Variants in IQANK1 observed in about 807,000 individuals in gnomAD.
The protein encoded by IQANK1 is IQ motif and ankyrin repeat containing 1, also known as IQ motif and ankyrin repeat domain-containing protein 1.
IQANK1 carries 30 observed loss-of-function variants against 22.6 expected under a neutral mutation model. The ratio of observed to expected loss-of-function variants is 1.33; its 90% CI spans 0.99 to 1.80. The LOEUF (loss-of-function observed/expected upper bound fraction) is 1.80, where lower values mean the gene tolerates loss of function less well. Ranked by LOEUF, IQANK1 falls within the 40% of genes most tolerant of loss-of-function variation. The pLI is 0.00. For synonymous variants in IQANK1, 122 were observed against 99.6 expected (o/e 1.23, Z -1.34); for missense variants, 275 against 235.2 (o/e 1.17, Z -1.11).
Position 143,764,627 on chromosome 8 carries a change from G to A in IQANK1, c.176-6861G>A, listed in dbSNP as rs1167540924. On this transcript the variant is annotated intron_variant, in intron 3 of 13. Coordinates refer to ENST00000527139, the MANE Select transcript of IQANK1 (RefSeq NM_001381874.1). ...TAAAAAAACCAAACAAAACAAAACT[G>A]AAAAAAGAAATAACAAACGTGCAAA... is the stretch of plus-strand genomic sequence containing the variant. Among the ~76,000 whole-genome samples the A allele has an allele frequency of 2.6e-5, 4 of 151,762 alleles. No individual in the cohort carries two copies. The East Asian group carries it at 7.7e-4, about 29-fold the overall frequency.
At chr8:143,787,884 C>T (rs1240703356) in intron 7 of IQANK1, among the ~76,000 whole-genome samples, 1 of 152,070 alleles carries the variant, frequency 6.6e-6, no homozygotes, top group Non-Finnish European at 1.5e-5. Flanking sequence ...TGTCCACCTC[C>T]ACCTGGCCCC....
intron 3 of IQANK1, among the ~76,000 whole-genome samples, chr8:143,749,365 A>G (rs547715911): frequency 1.5e-5 from 2 of 131,112 alleles, no homozygotes; most frequent in Admixed American, 8.1e-5. Flanking sequence ...ATAAAAATAT[A>G]TAAATATATA....
At position 143,773,325 on chromosome 8, in the gene IQANK1, A is replaced by C. The variant is rs1341120569; in HGVS notation, c.789+843A>C. On this transcript the variant is annotated intron_variant, in intron 7 of 13. Transcript: ENST00000527139. ...CAAAAAAAAAAAAAAAACAAAAAAA[A>C]CACAAAAAAAACAGAGTCTGCCCTG... Among the ~76,000 whole-genome samples, 55 of 137,718 alleles carry C rather than the reference A, an allele frequency of 4.0e-4. 1 individual carries two copies. The highest frequency in any genetic ancestry group is 3.6e-3 in the Middle Eastern group (1 of 278). 90.3% of individuals were successfully genotyped at this position (137,718 alleles called of 152,430 possible). A position where few individuals can be genotyped will look rare whatever the true frequency, so the allele number is the denominator to read the frequency against.
rs1205336346 is a variant in IQANK1, at chr8:143,774,956, A to C, written c.789+2474A>C. Among the ~76,000 whole-genome samples the C allele has an allele frequency of 1.3e-5, 2 of 151,716 alleles. No homozygotes were observed. The highest frequency in any genetic ancestry group is 4.9e-5 in the African/African-American group (2 of 41,026). On this transcript the variant is annotated intron_variant, in intron 7 of 13. Transcript: ENST00000527139. This position sits in a 1 kb window ranked among gnomAD's most constrained non-coding sequence, Gnocchi z 4.2. Reference sequence around the variant, plus strand: ...GACGGAGGACAGATCGGAGGGCTGCAGGGGTTACGGATGGGAGTGGGGGCA... The same window carrying C: ...GACGGAGGACAGATCGGAGGGCTGCCGGGGTTACGGATGGGAGTGGGGGCA...
chr8:143,790,372 G>C lies in IQANK1; in HGVS notation c.1447G>C (p.Asp483His), dbSNP rs76363033. 4.5e-3 allele frequency: 4,662 copies of C among 1,045,646 alleles called. 163 individuals are homozygous for C. The African/African-American group carries it at 0.067, about 15-fold the overall frequency. 64.8% of individuals were successfully genotyped at this position (1,045,646 alleles called of 1,614,324 possible). ...ALRYGKPLVF[D>H]LREEDLFPVV... ...CAGGTATGGGAAGCCGCTGGTGTTC[G>C]ACCTGCGAGAGGAAGACCTGTTCCC... The change falls in exon 14 of 14, where the codon GAC (aspartate) becomes CAC (histidine). Residue 483 changes from aspartate (D) to histidine (H), a missense_variant. Transcript: ENST00000527139.
At chr8:143,768,271 G>A (rs1369773965) in intron 3 of IQANK1, among the ~76,000 whole-genome samples, 5 of 152,154 alleles carry the variant, frequency 3.3e-5, no homozygotes, top group Admixed American at 6.5e-5. Flanking sequence ...CTTACGGTGC[G>A]GGAACGTCTC....
intron 9 of IQANK1, 87 bp downstream of exon 9, chr8:143,789,330 G>A (rs1819965781): frequency 5.9e-6 from 3 of 510,186 alleles, no homozygotes; most frequent in Non-Finnish European, 9.2e-6. Flanking sequence ...CCAGGAAGCT[G>A]GGGGAAGAGC....
intron 2 of IQANK1, among the ~76,000 whole-genome samples, chr8:143,736,652 C>G (rs1280448465): frequency 1.3e-5 from 2 of 152,194 alleles, no homozygotes; most frequent in Non-Finnish European, 2.9e-5. Flanking sequence ...TCTGCTCCAT[C>G]TGGGCCATCC....
At chr8:143,787,441 C>T (rs1554631488) in intron 7 of IQANK1, among the ~76,000 whole-genome samples, 1 of 152,038 alleles carries the variant, frequency 6.6e-6, no homozygotes, top group Non-Finnish European at 1.5e-5. Flanking sequence ...CCATCTCTGC[C>T]CCCTGCATCT....
intron 7 of IQANK1, among the ~76,000 whole-genome samples, chr8:143,784,016 A>G (rs1262663895): frequency 1.3e-5 from 2 of 152,086 alleles, no homozygotes; most frequent in East Asian, 3.9e-4. Flanking sequence ...AAGTCTTCCC[A>G]CCTTGTTTTT....
intron 3 of IQANK1, among the ~76,000 whole-genome samples, chr8:143,750,962 G>A (rs1021958163): frequency 7.0e-6 from 1 of 142,402 alleles, no homozygotes; most frequent in Admixed American, 6.8e-5. Context: ...GTGTGTGTGT[G>A]TGTGTTTTTT....
At chr8:143,749,571 C>T (rs868964402) in intron 3 of IQANK1, among the ~76,000 whole-genome samples, 40 of 118,242 alleles carry the variant, frequency 3.4e-4, no homozygotes, top group African/African-American at 1.2e-3. Context: ...ATATATCAAT[C>T]ATATATATAT....
At chr8:143,743,236 GT>G (rs537633568) in intron 3 of IQANK1, 13 of 351,298 alleles carry the variant, frequency 3.7e-5, no homozygotes, top group East Asian at 7.5e-5. Flanking sequence ...GTTCCGTTTT[GT>G]TTTTTTTTGA....
intron 3 of IQANK1, among the ~76,000 whole-genome samples, chr8:143,751,658 G>GTATATATATATATATATATATA (rs1325258601): frequency 1.5e-3 from 59 of 38,778 alleles, no homozygotes; most frequent in African/African-American, 2.2e-3. Flanking sequence ...GTGTGTGTGT[G>GTATATATATATATATATATATA]TGTGTGTATA....
intron 7 of IQANK1, among the ~76,000 whole-genome samples, chr8:143,777,489 C>T (rs1180515726): frequency 6.8e-6 from 1 of 147,082 alleles, no homozygotes; most frequent in East Asian, 2.0e-4. Context: ...CCACTGCACT[C>T]CAGCCTGGGC....
chr8:143,738,237 C>G (rs1292986793), intron 2 of IQANK1, among the ~76,000 whole-genome samples: 2 of 152,202 alleles, frequency 1.3e-5, no homozygotes, highest in Non-Finnish European at 2.9e-5. Context: ...CCAGACATGG[C>G]CCTGGATCCA....
rs191405355 is a variant in IQANK1, at chr8:143,755,578, G to C, written c.175+15630G>C. On this transcript the variant is annotated intron_variant, in intron 3 of 13. Transcript: ENST00000527139. ...GGGGTTTCATCATGTTGGCCAGGCT[G>C]GTCTCAAACTCCTTACCTCAAGTGA... Among the ~76,000 whole-genome samples the C allele has an allele frequency of 6.9e-3, 1,045 of 152,194 alleles. 18 individuals are homozygous for C. The highest frequency in any genetic ancestry group is 0.024 in the African/African-American group (982 of 41,522).
intron 3 of IQANK1, among the ~76,000 whole-genome samples, chr8:143,746,892 A>C (rs1206624524): frequency 6.6e-6 from 1 of 151,626 alleles, no homozygotes; most frequent in Non-Finnish European, 1.5e-5. Flanking sequence ...TTATTTATCT[A>C]TTTATGAGAT....
chr8:143,748,557 T>TATATCATATATAATATATAAATATAG (rs1563770175), intron 3 of IQANK1, among the ~76,000 whole-genome samples: 15 of 122,226 alleles, frequency 1.2e-4, no homozygotes, highest in African/African-American at 3.9e-4. Context: ...TAAATATAGA[T>TATATCATATATAATATATAAATATAG]ATATATATCA....
Sources: gnomAD v4.1 joint callset for allele counts (sites outside exome capture counted in the v4.1 genomes callset) on GRCh38, gnomAD v4.1.1 for gene constraint, Gnocchi (gnomAD v3.1) non-coding constraint, MANE v1.5 for transcripts, NCBI Gene and HGNC (gene_info 2026-07-23, HGNC 2026-07-21) for gene names.